PCSK6: variants seen among roughly 807,000 people sequenced by gnomAD.
PCSK6 encodes proprotein convertase subtilisin/kexin type 6, also known as paired basic amino acid cleaving enzyme 4.
Under a neutral mutation model 123.3 loss-of-function variants are expected in PCSK6, and 85 were observed. That is an observed-to-expected ratio of 0.69 (90% CI 0.58 to 0.83). PCSK6 has a LOEUF of 0.83. Ranked by LOEUF, PCSK6 falls within the 40% of genes least tolerant of loss-of-function variation. PCSK6 has a pLI of 0.00. For missense variants in PCSK6, 1,191 were observed against 1,282.3 expected (o/e 0.93, Z 1.09); for synonymous variants, 508 against 516.0 (o/e 0.98, Z 0.21).
chr15:101,382,282 C>T (rs2041930894), intron 10 of PCSK6, 73 bp from the exon 11 acceptor site: 1 of 1,203,528 alleles, frequency 8.3e-7, no homozygotes, highest in Non-Finnish European at 1.2e-6. Context: ...GCTCTTGCAT[C>T]TGCCGGGCCC....
chr15:101,370,901 T>C (rs1768983109), intron 11 of PCSK6, among the ~76,000 whole-genome samples: 1 of 152,196 alleles, frequency 6.6e-6, no homozygotes, highest in African/African-American at 2.4e-5. Flanking sequence ...ACAGGCCCCA[T>C]TCCTCTGGAC....
At chr15:101,362,831 C>T (rs1460964541) in intron 13 of PCSK6, among the ~76,000 whole-genome samples, 1 of 152,230 alleles carries the variant, frequency 6.6e-6, no homozygotes, top group African/African-American at 2.4e-5. Context: ...GCTCCTGAGC[C>T]CCCAGTCTTA....
chr15:101,470,591 C>A (rs1450781038), intron 1 of PCSK6, among the ~76,000 whole-genome samples: 1 of 152,190 alleles, frequency 6.6e-6, no homozygotes, highest in Non-Finnish European at 1.5e-5. Flanking sequence ...ATCCCTCCGG[C>A]ATTCATTTTA....
intron 13 of PCSK6, among the ~76,000 whole-genome samples, chr15:101,355,870 C>T (rs1266764383): frequency 6.6e-6 from 1 of 152,166 alleles, no homozygotes; most frequent in African/African-American, 2.4e-5. Context: ...CAACCACCAA[C>T]GTAGGCTCCG....
At chr15:101,443,431 G>A in intron 2 of PCSK6, 125 bp downstream of exon 2, 1 of 666,106 alleles carries the variant, frequency 1.5e-6, no homozygotes, top group Non-Finnish European at 2.7e-6. Flanking sequence ...CTGTCTTGCT[G>A]TATTTAAAGT....
Position 101,393,485 on chromosome 15 carries a change from C to A in PCSK6, c.997-61G>T, listed in dbSNP as rs546507515. 307 of 1,347,238 alleles carry A rather than the reference C, an allele frequency of 2.3e-4. 3 individuals carry two copies. The African/African-American group carries it at 3.4e-3, about 15-fold the overall frequency. 83.5% of individuals were successfully genotyped at this position (1,347,238 alleles called of 1,614,324 possible). ...GCAGAACCTCGTAGGGTGGGTCTCCCCCCGAACCTAGAGTCCCATCTCCCA... is the reference window on the plus strand; with the variant it reads ...GCAGAACCTCGTAGGGTGGGTCTCCACCCGAACCTAGAGTCCCATCTCCCA... On this transcript the variant is annotated intron_variant, in intron 7 of 21. Coordinates refer to ENST00000611716, the MANE Select transcript of PCSK6 (RefSeq NM_002570.5).
At chr15:101,396,233 C>T (rs2042408532) in intron 7 of PCSK6, among the ~76,000 whole-genome samples, 1 of 152,140 alleles carries the variant, frequency 6.6e-6, no homozygotes, top group East Asian at 1.9e-4. Flanking sequence ...CTGCAACTTC[C>T]CCACTCCCCT....
intron 1 of PCSK6, among the ~76,000 whole-genome samples, chr15:101,460,188 C>T (rs1009345354): frequency 6.6e-6 from 1 of 152,170 alleles, no homozygotes; most frequent in African/African-American, 2.4e-5. Context: ...CCGTGTCCTC[C>T]TCTCTGTGGG....
intron 1 of PCSK6, among the ~76,000 whole-genome samples, chr15:101,481,989 C>A (rs899027018): frequency 2.0e-5 from 3 of 152,156 alleles, no homozygotes; most frequent in African/African-American, 7.2e-5. Flanking sequence ...TGAGTCTGTG[C>A]GCGTTCACGC....
intron 12 of PCSK6, among the ~76,000 whole-genome samples, chr15:101,367,671 T>C (rs1183201890): frequency 6.6e-6 from 1 of 152,210 alleles, no homozygotes; most frequent in African/African-American, 2.4e-5. Context: ...GGCAAACTGA[T>C]AAAGCTGCTA....
At chr15:101,370,204 C>T in intron 12 of PCSK6, 131 bp downstream of exon 12, 2 of 677,874 alleles carry the variant, frequency 3.0e-6, no homozygotes, top group Non-Finnish European at 4.3e-6. Flanking sequence ...AAGCTGCCAG[C>T]AGAACCAGTG....
In PCSK6 at chr15:101,384,338, G is replaced by A. The variant is rs780023955; in HGVS notation, c.1398C>T (p.Asn466=). Residue 466 remains asparagine (N), a synonymous_variant, in exon 10 of 22, where the codon AAC becomes AAT. Transcript: ENST00000611716. ...CTGCCGCACCTTTATGACCCGCGCC[G>A]TTCACTTTCCAGTCGCTCGCTTTCA... The part of the protein sequence containing the change: ...AHLKASDWKV[N]GAGHKVSHFY... The A allele has an allele frequency of 1.7e-5, 28 of 1,613,552 alleles. No individual in the cohort carries two copies. The highest frequency in any genetic ancestry group is 5.5e-5 in the South Asian group (5 of 91,020).
At chr15:101,338,994 T>C (rs562609513) in intron 13 of PCSK6, among the ~76,000 whole-genome samples, 1 of 152,362 alleles carries the variant, frequency 6.6e-6, no homozygotes, top group Non-Finnish European at 1.5e-5. Context: ...AACAGGATTA[T>C]TCCCATTATG....
intron 6 of PCSK6, among the ~76,000 whole-genome samples, chr15:101,405,957 G>A (rs1377315267): frequency 6.6e-6 from 1 of 152,130 alleles, no homozygotes; most frequent in Non-Finnish European, 1.5e-5. Flanking sequence ...TGGCCAGGCT[G>A]GTCTCAAACC....
chr15:101,485,766 G>C (rs1331965442), intron 1 of PCSK6, among the ~76,000 whole-genome samples: 1 of 152,030 alleles, frequency 6.6e-6, no homozygotes, highest in Admixed American at 6.6e-5. Context: ...TTCTTTCCCA[G>C]AGTTGTCTGA....
chr15:101,471,633 T>A (rs1178374942), intron 1 of PCSK6, among the ~76,000 whole-genome samples: 6 of 152,252 alleles, frequency 3.9e-5, no homozygotes, highest in African/African-American at 1.2e-4. Flanking sequence ...ATAGATTTAT[T>A]TCTTTTGAGA....
rs769260625 is a variant in PCSK6 at position 101,331,947 on chromosome 15, C to T, written c.1943G>A (p.Arg648Gln). 25 of 1,613,692 alleles carry T rather than the reference C, an allele frequency of 1.5e-5. No individual in the cohort carries two copies. Among genetic ancestry groups the T allele is most frequent in the Non-Finnish European group, 2.0e-5 (24 of 1,179,824 alleles). ...CTCTGGGGCTGAGAGCTCCAGCATC[C>T]GCGAGCGGGACTGATGGGCACTGAA... Reference protein sequence around the residue: ...HTFSAHQSRSRMLELSAPELE... With the variant: ...HTFSAHQSRSQMLELSAPELE... The change falls in exon 14 of 22, where the codon CGG becomes CAG. Residue 648 changes from arginine to glutamine, a missense_variant. By Grantham distance (43) the Arg-to-Gln change is conservative. This residue lies in a region of PCSK6 where 630 missense variants were observed against 631.4 expected (regional missense o/e 1.00). Coordinates refer to ENST00000611716, the MANE Select transcript of PCSK6 (RefSeq NM_002570.5).
intron 6 of PCSK6, among the ~76,000 whole-genome samples, chr15:101,427,567 G>A (rs1327579700): frequency 6.6e-6 from 1 of 152,224 alleles, no homozygotes; most frequent in Non-Finnish European, 1.5e-5. Flanking sequence ...GAGCCACTGA[G>A]GGCTATGGGC....
intron 13 of PCSK6, chr15:101,364,885 G>A (rs369456818): frequency 4.1e-5 from 25 of 613,170 alleles, no homozygotes; most frequent in Middle Eastern, 2.6e-4. Flanking sequence ...TGGAGGACTC[G>A]CACTTTCTTA....
Sources: allele counts gnomAD v4.1 joint callset (sites outside exome capture counted in the v4.1 genomes callset), GRCh38; gene constraint gnomAD v4.1.1; regional missense constraint gnomAD v4.1.1; transcripts MANE v1.5; gene names NCBI Gene and HGNC (gene_info 2026-07-23, HGNC 2026-07-21).